The following ADGRD1 variants were observed in gnomAD, a reference collection of about 807,000 sequenced individuals.
ADGRD1 encodes adhesion G protein-coupled receptor D1.
ADGRD1 carries 77 observed loss-of-function variants against 113.4 expected under a neutral mutation model. The observed-to-expected ratio is 0.68, with a 90% CI of 0.57 to 0.82. ADGRD1 has a LOEUF of 0.82. ADGRD1 is among the 40% of genes least tolerant of loss of function. The probability of loss-of-function intolerance (pLI) is 0.00; values close to 1 mark genes in which losing one functional copy is unlikely to be tolerated. For missense variants in ADGRD1, 1,036 were observed against 1,139.1 expected (o/e 0.91, Z 1.30); for synonymous variants, 474 against 475.0 (o/e 1.00, Z 0.03).
At chr12:131,013,609 T>G (rs1007702014) in intron 12 of ADGRD1, among the ~76,000 whole-genome samples, 14 of 152,162 alleles carry the variant, frequency 9.2e-5, no homozygotes, top group Non-Finnish European at 1.3e-4. Flanking sequence ...TGAGCCAAGA[T>G]AGAGTCAACT....
At chr12:131,079,612 C>A (rs1324807602) in intron 14 of ADGRD1, among the ~76,000 whole-genome samples, 1 of 152,184 alleles carries the variant, frequency 6.6e-6, no homozygotes, top group African/African-American at 2.4e-5. Flanking sequence ...CCTTCATTTT[C>A]AATGTTGGCA....
chr12:130,981,081 T>C (rs1232401982), intron 4 of ADGRD1: 1 of 152,226 alleles, frequency 6.6e-6, no homozygotes, highest in Non-Finnish European at 1.5e-5. Flanking sequence ...AATGAACAAT[T>C]GAAGATATCA....
chr12:131,108,743 C>T lies in ADGRD1; in HGVS notation c.1907C>T (p.Ala636Val). 1 of 1,614,078 alleles carries T rather than the reference C, an allele frequency of 6.2e-7. No homozygotes were observed. The highest frequency in any genetic ancestry group is 8.5e-7 in the Non-Finnish European group (1 of 1,179,944). ...TCCTAGACCCCCTGCCAAGTGATGG[C>T]CGTGCTCCTACACTACTTCTTCCTG... ...EPGTTPCQVM[A>V]VLLHYFFLSA... The change falls in exon 18 of 25, where the codon GCC becomes GTC. Residue 636 changes from alanine to valine, a missense_variant. By Grantham distance (64) the Ala-to-Val change is moderately conservative. Coordinates refer to ENST00000261654, the MANE Select transcript of ADGRD1 (RefSeq NM_198827.5).
intron 2 of ADGRD1, chr12:130,963,150 C>G (rs1157023309): frequency 2.0e-5 from 3 of 152,114 alleles, no homozygotes; most frequent in East Asian, 1.9e-4. Flanking sequence ...GAAACCCCAT[C>G]TCTACTACAA....
intron 13 of ADGRD1, among the ~76,000 whole-genome samples, chr12:131,054,127 A>C (rs2137055776): frequency 6.6e-6 from 1 of 152,122 alleles, no homozygotes; most frequent in South Asian, 2.1e-4. Flanking sequence ...ACAAAAACAC[A>C]CTTACTGAGG....
intron 15 of ADGRD1, among the ~76,000 whole-genome samples, chr12:131,093,330 G>A (rs1477073548): frequency 3.9e-5 from 6 of 152,114 alleles, no homozygotes; most frequent in African/African-American, 1.2e-4. Context: ...GGCTTTTCTG[G>A]GCATTTCTAA....
In ADGRD1 at chr12:131,041,779, C is replaced by T. The variant is rs1256383512; in HGVS notation, c.1473+27439C>T. On this transcript the variant is annotated intron_variant, in intron 13 of 24. Transcript: ENST00000261654. This position sits in a 1 kb window ranked among gnomAD's most constrained non-coding sequence, Gnocchi z 4.4. ...CCCTGCCTGGCGCCTCTGCCTGCAC[C>T]CGCCTGGGAAGCACATTCTCCCTCT... Among the ~76,000 whole-genome samples the T allele has an allele frequency of 6.6e-6, 1 of 152,208 alleles. No homozygotes were observed. The highest frequency in any genetic ancestry group is 1.5e-5 in the Non-Finnish European group (1 of 68,038).
intron 8 of ADGRD1, among the ~76,000 whole-genome samples, chr12:130,996,807 G>A (rs1420599310): frequency 1.9e-5 from 2 of 107,314 alleles, no homozygotes; most frequent in Non-Finnish European, 4.0e-5. Context: ...CTCACCTCCC[G>A]GACGGGGCGG....
At chr12:131,107,546 T>C (rs78994642) in intron 17 of ADGRD1, among the ~76,000 whole-genome samples, 1 of 149,558 alleles carries the variant, frequency 6.7e-6, no homozygotes, top group African/African-American at 2.5e-5. Flanking sequence ...CCCAGAGACC[T>C]GGGTCAGAAT....
At chr12:131,111,097 C>T (rs1950335959) in intron 18 of ADGRD1, among the ~76,000 whole-genome samples, 1 of 147,452 alleles carries the variant, frequency 6.8e-6, no homozygotes, top group Non-Finnish European at 1.5e-5. Flanking sequence ...ATTGTGTTTA[C>T]TTTTTTTTTT....
intron 24 of ADGRD1, among the ~76,000 whole-genome samples, chr12:131,138,603 C>T (rs139756277): frequency 6.6e-6 from 1 of 152,284 alleles, no homozygotes; most frequent in African/African-American, 2.4e-5. Context: ...CCGCTGCTTC[C>T]CCCCTGCTGG....
chr12:131,138,241 C>T lies in ADGRD1; in HGVS notation c.2529+12C>T, dbSNP rs1374731639. ...TCCACTCGGACCTCGTGAGTGCAGC[C>T]TCCATAAACCGAGGGTCCCAGCCCA... On this transcript the variant is annotated intron_variant, in intron 24 of 24. Coordinates refer to ENST00000261654, the MANE Select transcript of ADGRD1 (RefSeq NM_198827.5). 2 of 1,608,258 alleles carry T rather than the reference C, an allele frequency of 1.2e-6. No individual in the cohort carries two copies. The highest frequency in any genetic ancestry group is 1.7e-5 in the Admixed American group (1 of 59,990).
chr12:131,130,815 C>T (rs1950902723), intron 20 of ADGRD1, among the ~76,000 whole-genome samples: 1 of 152,160 alleles, frequency 6.6e-6, no homozygotes, highest in African/African-American at 2.4e-5. Context: ...CCGACTGCAG[C>T]TCCCTTCAGA....
chr12:130,980,393 C>T (rs1872815621), intron 4 of ADGRD1, among the ~76,000 whole-genome samples: 1 of 149,992 alleles, frequency 6.7e-6, no homozygotes, highest in South Asian at 2.1e-4. Context: ...CGTGAGCCAC[C>T]ATGCCTGGAC....
rs769755976 is a variant in ADGRD1 at position 131,006,057 on chromosome 12, G to A, written c.1331+10G>A. ...GGCCCGCCCACACCAAGTGAGTCTC[G>A]GGGGTGCTCAGCTCAGGGGCGTGGG... is the stretch of plus-strand genomic sequence containing the variant. On this transcript the variant is annotated intron_variant, in intron 12 of 24. Coordinates refer to ENST00000261654, the MANE Select transcript of ADGRD1 (RefSeq NM_198827.5). 3 of 1,611,640 alleles carry A rather than the reference G, an allele frequency of 1.9e-6. No homozygotes were observed. Among genetic ancestry groups the A allele is most frequent in the Admixed American group, 1.7e-5 (1 of 60,022 alleles).
chr12:131,125,386 A>G (rs1376615581), intron 20 of ADGRD1, among the ~76,000 whole-genome samples: 2 of 152,140 alleles, frequency 1.3e-5, no homozygotes, highest in Non-Finnish European at 2.9e-5. Flanking sequence ...CCGAGGAAAG[A>G]AGGAGAGTGC....
intron 13 of ADGRD1, among the ~76,000 whole-genome samples, chr12:131,043,918 G>A (rs1200575939): frequency 6.6e-6 from 1 of 152,206 alleles, no homozygotes; most frequent in African/African-American, 2.4e-5. Flanking sequence ...CCATGAGGAG[G>A]GGGGTCTTTT....
chr12:131,068,994 G>C (rs1884942059), intron 13 of ADGRD1, among the ~76,000 whole-genome samples: 3 of 152,212 alleles, frequency 2.0e-5, no homozygotes, highest in Admixed American at 2.0e-4. Flanking sequence ...TGGATTTTCT[G>C]TTCTGCCTCT....
intron 9 of ADGRD1, 32 bp downstream of exon 9, chr12:131,000,474 G>T (rs995611496): frequency 2.2e-5 from 34 of 1,570,346 alleles, no homozygotes; most frequent in Non-Finnish European, 2.9e-5. Flanking sequence ...GGTCATGGTG[G>T]CTCATACCTA....
Sources: allele counts gnomAD v4.1 joint callset (sites outside exome capture counted in the v4.1 genomes callset), GRCh38; gene constraint gnomAD v4.1.1; non-coding constraint Gnocchi (gnomAD v3.1); transcripts MANE v1.5; gene names NCBI Gene and HGNC (gene_info 2026-07-23, HGNC 2026-07-21).